Variants in MACF1 observed in about 807,000 individuals in gnomAD.
MACF1 encodes the protein microtubule-actin cross-linking factor 1.
MACF1 carries 193 observed loss-of-function variants against 854.8 expected under a neutral mutation model. That is an observed-to-expected ratio of 0.23 (90% CI 0.20 to 0.25). MACF1 has a LOEUF of 0.25. Among genes scored for constraint, MACF1 ranks in the 10% least tolerant of loss-of-function variants. The probability of loss-of-function intolerance (pLI) is 1.00; values close to 1 mark genes in which losing one functional copy is unlikely to be tolerated. For missense variants in MACF1, 7,722 were observed against 8,929.1 expected, an observed-to-expected ratio of 0.86 and a Z score of 5.45; for synonymous variants, 3,185 against 3,226.7, an observed-to-expected ratio of 0.99 and a Z score of 0.44.
At chr1:39,207,813 C>G (rs908716319) in intron 1 of MACF1, among the ~76,000 whole-genome samples, 4 of 152,078 alleles carry the variant, frequency 2.6e-5, no homozygotes, top group African/African-American at 4.8e-5. Context: ...AAAATTGATT[C>G]TCTGCAATAA....
chr1:39,418,004 C>G (rs930435684), intron 58 of MACF1, among the ~76,000 whole-genome samples: 1 of 151,976 alleles, frequency 6.6e-6, no homozygotes, highest in Non-Finnish European at 1.5e-5. Flanking sequence ...GAAAACCACA[C>G]ATAAATAAAT....
chr1:39,254,352 C>T lies in MACF1; in HGVS notation c.412C>T (p.Leu138=), dbSNP rs1645074867. ...FHRLQNVQIA[L]DFLKQRQVKL... ...TAGGCTGCAGAATGTGCAGATTGCC[C>T]TGGACTTCCTAAAGCAGCGACAGGT... The change falls in exon 5 of 101, where the codon CTG becomes TTG. Residue 138 remains leucine (L), a synonymous_variant. Coordinates refer to ENST00000564288, the MANE Select transcript of MACF1 (RefSeq NM_001394062.1). 1 of 1,614,144 alleles carries T rather than the reference C, an allele frequency of 6.2e-7. No homozygotes were observed. The highest frequency in any genetic ancestry group is 8.5e-7 in the Non-Finnish European group (1 of 1,180,006).
chr1:39,410,337 G>A (rs1200692074), intron 58 of MACF1: 18 of 1,613,578 alleles, frequency 1.1e-5, no homozygotes, highest in Non-Finnish European at 1.4e-5. Flanking sequence ...GAGAGGAGGA[G>A]GATGGCTACA....
intron 58 of MACF1, chr1:39,411,705 AACT>A (rs778948552): frequency 6.2e-7 from 1 of 1,613,836 alleles, no homozygotes; most frequent in Admixed American, 1.7e-5. Flanking sequence ...AAGAAGGAGT[AACT>A]CCTCTAGTTG....
At chr1:39,400,299 A>T (rs1367331958) in intron 58 of MACF1, among the ~76,000 whole-genome samples, 1 of 152,230 alleles carries the variant, frequency 6.6e-6, no homozygotes, top group African/African-American at 2.4e-5. Context: ...TCTGAATCTT[A>T]CTTACTTTAA....
chr1:39,092,296 T>C (rs1641827467), intron 2 of MACF1, among the ~76,000 whole-genome samples: 1 of 152,114 alleles, frequency 6.6e-6, no homozygotes, highest in Non-Finnish European at 1.5e-5. Context: ...GGGAGTGAAC[T>C]CTGGACTCAG....
At chr1:39,143,582 T>G (rs1643394528) in intron 2 of MACF1, among the ~76,000 whole-genome samples, 1 of 152,094 alleles carries the variant, frequency 6.6e-6, no homozygotes, top group Non-Finnish European at 1.5e-5. Flanking sequence ...AGGTTACTTA[T>G]GTTATTTGCA....
rs926890959 is a variant in MACF1, at chr1:39,137,006, T to C, written c.220+52568T>C. On this transcript the variant is annotated intron_variant, in intron 2 of 93. Coordinates refer to the MACF1 transcript ENST00000361689. ...ATATAAAATATTTGACATGACCAAG[T>C]TATATTTACCCTTTGTCAACTAAAA... Among the ~76,000 whole-genome samples the C allele has an allele frequency of 5.9e-5, 9 of 152,296 alleles. No individual in the cohort carries two copies. The East Asian group carries it at 1.7e-3, about 29-fold the overall frequency.
At chr1:39,311,640 A>G (rs986197480) in intron 26 of MACF1, among the ~76,000 whole-genome samples, 2 of 152,246 alleles carry the variant, frequency 1.3e-5, no homozygotes, top group Non-Finnish European at 2.9e-5. Context: ...AAAGAAAAGT[A>G]AATAAAGATC....
chr1:39,376,905 T>C (rs1056565736), intron 52 of MACF1, among the ~76,000 whole-genome samples: 2 of 151,844 alleles, frequency 1.3e-5, no homozygotes, highest in Non-Finnish European at 2.9e-5. Flanking sequence ...TTAATATTTT[T>C]TTGTAGAGAC....
intron 2 of MACF1, among the ~76,000 whole-genome samples, chr1:39,179,690 A>G (rs1644078694): frequency 6.6e-6 from 1 of 152,180 alleles, no homozygotes. Flanking sequence ...TGTTTTTCCC[A>G]GTGCTAATTG....
intron 63 of MACF1, 65 bp from the exon 64 acceptor site, chr1:39,429,177 G>C: frequency 2.5e-6 from 2 of 814,254 alleles, no homozygotes; most frequent in Admixed American, 2.0e-5. Context: ...ATCTCTTAAA[G>C]GTCTCGCATT....
intron 1 of MACF1, among the ~76,000 whole-genome samples, chr1:39,214,140 G>A (rs1275369757): frequency 1.3e-5 from 2 of 152,284 alleles, no homozygotes; most frequent in East Asian, 3.9e-4. Context: ...TTAGCCTGAA[G>A]AAGTCGTTCT....
intron 2 of MACF1, among the ~76,000 whole-genome samples, chr1:39,144,531 A>T (rs1349032811): frequency 6.6e-6 from 1 of 152,202 alleles, no homozygotes; most frequent in Non-Finnish European, 1.5e-5. Flanking sequence ...CTTAGAGGAG[A>T]ACTTCACCCT....
intron 1 of MACF1, chr1:39,215,208 T>C (rs1644561471): frequency 6.6e-6 from 1 of 152,662 alleles, no homozygotes; most frequent in Non-Finnish European, 1.5e-5. Flanking sequence ...AGGAGGTCAG[T>C]AGGAAGTGGT....
In MACF1 at chr1:39,334,317, G is replaced by C. The variant is rs1025706816; in HGVS notation, c.7729G>C (p.Val2577Leu). 6.2e-7 allele frequency: 1 copy of C among 1,613,982 alleles called. No homozygotes were observed. The highest frequency in any genetic ancestry group is 8.5e-7 in the Non-Finnish European group (1 of 1,179,996). ...AGACCTGAAAAGAGAAATCCAGGAGGTTCAGGCCTTTACTGGAAACTTTGT... is the reference window on the plus strand; with the variant it reads ...AGACCTGAAAAGAGAAATCCAGGAGCTTCAGGCCTTTACTGGAAACTTTGT... ...TSDLKREIQE[V>L]QAFTGNFVDL... The change falls in exon 37 of 101, where the codon GTT becomes CTT. Residue 2577 changes from valine (V) to leucine (L), a missense_variant. Physicochemically the swap from Val to Leu is conservative, Grantham distance 32. Around this residue, in one of 15 missense-constraint regions of MACF1, gnomAD observed 1,531 missense variants for 1,601.6 expected, o/e 0.96. Transcript: ENST00000564288.
chr1:39,302,819 A>C (rs1253932837), intron 22 of MACF1, 105 bp from the exon 23 acceptor site: 1 of 1,113,260 alleles, frequency 9.0e-7, no homozygotes, highest in African/African-American at 1.6e-5. Context: ...TCTTTTCTTA[A>C]GCAGATTTTT....
rs1645004708 is a variant in MACF1 at position 39,481,131 on chromosome 1, A to G, written c.22281+101A>G. ...CTGACACGAATCCCTGCACTCTTTCATCTCTGTGGTGCTTGCTGTCACAGC... is the reference window on the plus strand; with the variant it reads ...CTGACACGAATCCCTGCACTCTTTCGTCTCTGTGGTGCTTGCTGTCACAGC... On this transcript the variant is annotated intron_variant, in intron 99 of 100. Coordinates refer to ENST00000564288, the MANE Select transcript of MACF1 (RefSeq NM_001394062.1). The G allele has an allele frequency of 3.0e-5, 20 of 674,976 alleles. No individual in the cohort carries two copies. The South Asian group carries it at 3.6e-4, about 12-fold the overall frequency. 41.8% of individuals were successfully genotyped at this position (674,976 alleles called of 1,614,324 possible).
At chr1:39,427,819 C>A (rs141603798) in intron 62 of MACF1, 142 bp from the exon 63 acceptor site, 131 of 909,340 alleles carry the variant, frequency 1.4e-4, no homozygotes, top group Middle Eastern at 2.7e-4. Flanking sequence ...AGCTTTTGTT[C>A]CCAATTTTTA....
Sources: allele counts gnomAD v4.1 joint callset (sites outside exome capture counted in the v4.1 genomes callset), GRCh38; gene constraint gnomAD v4.1.1; regional missense constraint gnomAD v4.1.1; transcripts MANE v1.5; gene names NCBI Gene and HGNC (gene_info 2026-07-23, HGNC 2026-07-21).